Variants in SLC6A11 observed in about 807,000 individuals in gnomAD.
The protein encoded by SLC6A11 is solute carrier family 6 member 11.
In SLC6A11, 25 loss-of-function variants were observed where a neutral mutation model predicts 74.8. That is an observed-to-expected ratio of 0.33 (90% confidence interval 0.24 to 0.47). SLC6A11 has a LOEUF of 0.47. Among genes scored for constraint, SLC6A11 ranks in the 20% least tolerant of loss-of-function variants. The pLI is 1.00. For synonymous variants in SLC6A11, 330 were observed against 330.2 expected (o/e 1.00, Z 0.01); for missense variants, 574 against 837.0 (o/e 0.69, Z 3.88).
At chr3:10,937,724 T>A (rs1488553837) in intron 13 of SLC6A11, among the ~76,000 whole-genome samples, 1 of 152,188 alleles carries the variant, frequency 6.6e-6, no homozygotes, top group East Asian at 1.9e-4. Context: ...GCCTTGGGCT[T>A]TGTGATAATG....
At position 10,816,386 on chromosome 3, in the gene SLC6A11, G is replaced by C; in HGVS notation, c.121G>C (p.Val41Leu). The C allele has an allele frequency of 6.6e-7, 1 of 1,520,744 alleles. No homozygotes were observed. The highest frequency in any genetic ancestry group is 8.8e-7 in the Non-Finnish European group (1 of 1,135,684). 94.2% of individuals were successfully genotyped at this position (1,520,744 alleles called of 1,614,324 possible). A position where few individuals can be genotyped will look rare whatever the true frequency, so the allele number is the denominator to read the frequency against. ...CGCGGCGCCCGCGCGCCACCCGCGC[G>C]TCAAGCGCGACAAGGCGGTCCACGA... Reference protein sequence around the residue: ...GGAAPARHPRVKRDKAVHERG... With the variant: ...GGAAPARHPRLKRDKAVHERG... Residue 41 changes from valine (V) to leucine (L), a missense_variant, in exon 1 of 14, where the codon GTC becomes CTC. This residue lies in a region of SLC6A11 where 86 missense variants were observed against 87.4 expected (regional missense o/e 0.98). Transcript: ENST00000254488. The surrounding 1 kb of genome is among the most constrained non-coding windows in gnomAD (Gnocchi z 4.2).
chr3:10,926,621 T>C lies in SLC6A11; in HGVS notation c.1233+505T>C, dbSNP rs1695611070. ...CAGCTCTGCCCCGCCACCGCCTGCC[T>C]GTCTCTGTGCTCGGCCCTCCCTAGA... is the stretch of plus-strand genomic sequence containing the variant. On this transcript the variant is annotated intron_variant, in intron 9 of 13. Transcript: ENST00000254488. The surrounding 1 kb of genome is among the most constrained non-coding windows in gnomAD (Gnocchi z 5.7). Among the ~76,000 whole-genome samples, 2 of 152,124 alleles carry C rather than the reference T, an allele frequency of 1.3e-5. No individual in the cohort carries two copies. Among genetic ancestry groups the C allele is most frequent in the South Asian group, 4.1e-4 (2 of 4,824 alleles).
At chr3:10,919,349 T>C (rs1200186389) in intron 8 of SLC6A11, among the ~76,000 whole-genome samples, 1 of 152,206 alleles carries the variant, frequency 6.6e-6, no homozygotes, top group Non-Finnish European at 1.5e-5. Flanking sequence ...AAATAGGTTT[T>C]TCACCTACAA....
chr3:10,901,549 T>C (rs1479414929), intron 6 of SLC6A11, among the ~76,000 whole-genome samples: 18 of 152,158 alleles, frequency 1.2e-4, no homozygotes, highest in Admixed American at 1.2e-3. Context: ...CTGCAGAACA[T>C]ATTTCCAGTT....
chr3:10,937,568 T>C (rs1695773329), intron 13 of SLC6A11, among the ~76,000 whole-genome samples: 1 of 152,186 alleles, frequency 6.6e-6, no homozygotes, highest in South Asian at 2.1e-4. Context: ...CCCAGGAAAC[T>C]TGGGGAGTGC....
Position 10,848,084 on chromosome 3 carries a change from G to A in SLC6A11, c.756+3738G>A, listed in dbSNP as rs769964336. Among the ~76,000 whole-genome samples the A allele has an allele frequency of 8.4e-4, 128 of 152,104 alleles. 1 individual carries two copies. The highest frequency in any genetic ancestry group is 7.0e-3 in the Admixed American group (107 of 15,270). ...AAATTTCCATTTATAATAAATGTTC[G>A]TTAATTCAAGAAAAAGTCCCCAGAC... On this transcript the variant is annotated intron_variant, in intron 5 of 13. Transcript: ENST00000254488.
intron 5 of SLC6A11, among the ~76,000 whole-genome samples, chr3:10,861,733 T>C (rs189316290): frequency 3.9e-5 from 6 of 152,142 alleles, no homozygotes; most frequent in Admixed American, 3.9e-4. Flanking sequence ...GGCTGCCAAG[T>C]AGAGAAATGA....
chr3:10,832,130 A>G (rs1032859360), intron 4 of SLC6A11, among the ~76,000 whole-genome samples: 3 of 152,258 alleles, frequency 2.0e-5, no homozygotes, highest in African/African-American at 7.2e-5. Context: ...CAATTTTACC[A>G]TTAACTAAAC....
chr3:10,933,985 A>G (rs1179907930), intron 11 of SLC6A11, 81 bp from the exon 12 acceptor site: 5 of 910,488 alleles, frequency 5.5e-6, no homozygotes, highest in African/African-American at 1.6e-5. Context: ...TGGAGAAAGC[A>G]AACACTCCTA....
chr3:10,851,041 G>A (rs28516905), intron 5 of SLC6A11, among the ~76,000 whole-genome samples: 31,838 of 152,042 alleles, frequency 0.21, 3,492 homozygotes, highest in South Asian at 0.33. Flanking sequence ...CTTTGGCCTG[G>A]ACACTGCCCT....
chr3:10,901,000 G>C (rs1405304448), intron 6 of SLC6A11, among the ~76,000 whole-genome samples: 1 of 152,136 alleles, frequency 6.6e-6, no homozygotes, highest in Non-Finnish European at 1.5e-5. Context: ...AGTGGGGGCT[G>C]GTGGGTAGAC....
intron 5 of SLC6A11, among the ~76,000 whole-genome samples, chr3:10,866,526 C>A (rs1175810834): frequency 6.6e-6 from 1 of 152,218 alleles, no homozygotes; most frequent in Non-Finnish European, 1.5e-5. Context: ...AGGGATAGTG[C>A]CCTGAAACGT....
chr3:10,902,476 A>G (rs1021592304), intron 6 of SLC6A11, among the ~76,000 whole-genome samples: 3 of 152,254 alleles, frequency 2.0e-5, no homozygotes, highest in African/African-American at 7.2e-5. Flanking sequence ...TGCATAGTAT[A>G]GTTGAGAATC....
At chr3:10,897,967 T>G (rs781502593) in intron 6 of SLC6A11, among the ~76,000 whole-genome samples, 1 of 152,228 alleles carries the variant, frequency 6.6e-6, no homozygotes, top group Non-Finnish European at 1.5e-5. Flanking sequence ...AATTCTTGAT[T>G]TATGTGCACT....
In SLC6A11 at chr3:10,894,639, G is replaced by T. The variant is rs111679709; in HGVS notation, c.892-17451G>T. Among the ~76,000 whole-genome samples the T allele has an allele frequency of 5.7e-3, 874 of 152,306 alleles. 9 individuals carry two copies. The highest frequency in any genetic ancestry group is 0.017 in the African/African-American group (694 of 41,572). ...AGTAGAATGGTGGTTCCCAGGGACT[G>T]GGTGGGCAGGGTTGGAGAGATTGGG... On this transcript the variant is annotated intron_variant, in intron 6 of 13. Coordinates refer to ENST00000254488, the MANE Select transcript of SLC6A11 (RefSeq NM_014229.3).
chr3:10,896,262 C>G (rs1282221921), intron 6 of SLC6A11, among the ~76,000 whole-genome samples: 1 of 152,252 alleles, frequency 6.6e-6, no homozygotes. Context: ...TTCTCTTACC[C>G]CAAGTGGGAC....
intron 3 of SLC6A11, 64 bp from the exon 4 acceptor site, chr3:10,823,238 T>A: frequency 8.0e-7 from 1 of 1,253,484 alleles, no homozygotes; most frequent in South Asian, 1.2e-5. Context: ...CTCTGAATGT[T>A]TTTCAGGATT....
intron 6 of SLC6A11, among the ~76,000 whole-genome samples, chr3:10,908,137 T>G (rs1180036812): frequency 6.6e-6 from 1 of 152,066 alleles, no homozygotes; most frequent in Non-Finnish European, 1.5e-5. Context: ...TCTCATTCAG[T>G]CAATCAGTAA....
At chr3:10,857,562 A>T (rs1694653314) in intron 5 of SLC6A11, among the ~76,000 whole-genome samples, 1 of 152,092 alleles carries the variant, frequency 6.6e-6, no homozygotes, top group South Asian at 2.1e-4. Flanking sequence ...ACGATAATTC[A>T]CTCGGCTGAA....
Sources: gnomAD v4.1 joint callset for allele counts (sites outside exome capture counted in the v4.1 genomes callset) on GRCh38, gnomAD v4.1.1 for gene constraint, gnomAD v4.1.1 regional missense constraint, Gnocchi (gnomAD v3.1) non-coding constraint, MANE v1.5 for transcripts, NCBI Gene and HGNC (gene_info 2026-07-23, HGNC 2026-07-21) for gene names.